Variants in SNX29 observed in about 807,000 individuals in gnomAD.
SNX29 encodes the protein sorting nexin 29.
In SNX29, 78 loss-of-function variants were observed where a neutral mutation model predicts 102.1. That is an observed-to-expected ratio of 0.76 (90% CI 0.64 to 0.92). SNX29 has a LOEUF of 0.92. Ranked by LOEUF, SNX29 falls within the 40% of genes least tolerant of loss-of-function variation. The probability of loss-of-function intolerance (pLI) is 0.00; values close to 1 mark genes in which losing one functional copy is unlikely to be tolerated. For synonymous variants in SNX29, 580 were observed against 414.5 expected (o/e 1.40, Z -4.85); for missense variants, 1,280 against 1,061.7 (o/e 1.21, Z -2.86).
At chr16:12,292,051 C>T (rs1193133442) in intron 15 of SNX29, among the ~76,000 whole-genome samples, 1 of 152,154 alleles carries the variant, frequency 6.6e-6, no homozygotes, top group East Asian at 1.9e-4. Context: ...GTCAGATCTG[C>T]TGGTGGAGGG....
chr16:12,272,891 G>T (rs561366421), intron 14 of SNX29, among the ~76,000 whole-genome samples: 2 of 152,176 alleles, frequency 1.3e-5, no homozygotes, highest in African/African-American at 4.8e-5. Flanking sequence ...GAAGAGGAAG[G>T]GTAACTGTCT....
intron 14 of SNX29, among the ~76,000 whole-genome samples, chr16:12,243,320 G>C (rs1424545456): frequency 6.6e-6 from 1 of 152,242 alleles, no homozygotes; most frequent in African/African-American, 2.4e-5. Context: ...CAGGTTTCCT[G>C]TCTGGCCCTC....
At chr16:12,498,898 G>A (rs2088963986) in intron 19 of SNX29, among the ~76,000 whole-genome samples, 1 of 152,182 alleles carries the variant, frequency 6.6e-6, no homozygotes, top group Admixed American at 6.5e-5. Context: ...TCAGAAGCTA[G>A]CAGTGAACTA....
Position 12,539,993 on chromosome 16 carries a change from T to G in SNX29, c.2318+15152T>G, listed in dbSNP as rs533271462. 4.0e-5 allele frequency among the ~76,000 whole-genome samples: 6 copies of G among 151,144 alleles called. No homozygotes were observed. The East Asian group carries it at 9.7e-4, about 24-fold the overall frequency. ...ACATATTTTCTTCTAGTCTTCAGCT[T>G]CTTTTCAGTGTCTTTTGCATGACAC... On this transcript the variant is annotated intron_variant, in intron 20 of 20. Coordinates refer to ENST00000566228, the MANE Select transcript of SNX29 (RefSeq NM_032167.5).
At chr16:12,114,465 C>T (rs1291680717) in intron 11 of SNX29, among the ~76,000 whole-genome samples, 1 of 152,128 alleles carries the variant, frequency 6.6e-6, no homozygotes, top group African/African-American at 2.4e-5. Context: ...GAAGCCCTGG[C>T]CTCCTCATTC....
At chr16:12,299,719 C>T (rs1422623936) in intron 15 of SNX29, among the ~76,000 whole-genome samples, 1 of 151,576 alleles carries the variant, frequency 6.6e-6, no homozygotes, top group Non-Finnish European at 1.5e-5. Context: ...CCCACCCCAT[C>T]CCTTCTTTTT....
chr16:12,550,782 C>G (rs573341985), intron 20 of SNX29, among the ~76,000 whole-genome samples: 2 of 143,118 alleles, frequency 1.4e-5, no homozygotes, highest in East Asian at 2.5e-4. Context: ...GGCTGAATAG[C>G]TGAGATAAGG....
intron 18 of SNX29, among the ~76,000 whole-genome samples, chr16:12,428,839 G>A (rs2085193878): frequency 6.6e-6 from 1 of 152,068 alleles, no homozygotes; most frequent in South Asian, 2.1e-4. Flanking sequence ...CATAATATAT[G>A]AGTGCAATTA....
intron 19 of SNX29, among the ~76,000 whole-genome samples, chr16:12,523,885 G>GTT (rs201603974): frequency 1.9e-4 from 29 of 151,934 alleles, no homozygotes; most frequent in African/African-American, 6.8e-4. Flanking sequence ...TGCATCCTAG[G>GTT]TTTTTTTTGT....
Position 12,090,661 on chromosome 16 carries a change from A to T in SNX29, c.1402+11746A>T, listed in dbSNP as rs149655212. On this transcript the variant is annotated intron_variant, in intron 11 of 20. Coordinates refer to ENST00000566228, the MANE Select transcript of SNX29 (RefSeq NM_032167.5). ...TGGCCTCTGCCAGTCTTCACATATC[A>T]AATCCATCCGTAAGTTCATTCCTAT... is the stretch of plus-strand genomic sequence containing the variant. 9.4e-3 allele frequency among the ~76,000 whole-genome samples: 1,429 copies of T among 152,288 alleles called. 27 individuals are homozygous for T. The highest frequency in any genetic ancestry group is 0.033 in the African/African-American group (1,351 of 41,542).
In SNX29 at chr16:12,433,546, G is replaced by A. The variant is rs1474217568; in HGVS notation, c.2037+30017G>A. Among the ~76,000 whole-genome samples, 6 of 150,760 alleles carry A rather than the reference G, an allele frequency of 4.0e-5. No individual in the cohort carries two copies. In the Admixed American group the frequency reaches 4.0e-4, roughly 10 times the overall value. ...CTAAAGAGGCTGAGGCAGAAGAATC[G>A]CTTGAACCCGGGAGGTGGAGGTTGC... On this transcript the variant is annotated intron_variant, in intron 18 of 20. Transcript: ENST00000566228.
At chr16:12,482,875 T>A (rs531968983) in intron 19 of SNX29, among the ~76,000 whole-genome samples, 27 of 152,190 alleles carry the variant, frequency 1.8e-4, no homozygotes, top group Non-Finnish European at 2.4e-4. Context: ...TGTTGTATAG[T>A]GTGTGGACCC....
At chr16:12,284,542 G>A (rs2079533189) in intron 15 of SNX29, among the ~76,000 whole-genome samples, 1 of 152,214 alleles carries the variant, frequency 6.6e-6, no homozygotes, top group Non-Finnish European at 1.5e-5. Context: ...CATGACCTGA[G>A]CTAGGCCCAT....
chr16:12,027,563 A>T, intron 4 of SNX29, 119 bp downstream of exon 4: 1 of 1,217,952 alleles, frequency 8.2e-7, no homozygotes, highest in Non-Finnish European at 1.1e-6. Context: ...GGGGTGGTGT[A>T]TGGGCACAGA....
At chr16:12,092,028 C>A (rs2151408058) in intron 11 of SNX29, among the ~76,000 whole-genome samples, 1 of 152,284 alleles carries the variant, frequency 6.6e-6, no homozygotes, top group Non-Finnish European at 1.5e-5. Flanking sequence ...CTGCAAGAGG[C>A]CCTCTTTCCC....
intron 20 of SNX29, among the ~76,000 whole-genome samples, chr16:12,563,836 G>C (rs549058678): frequency 0.011 from 1,656 of 152,306 alleles, 24 homozygotes; most frequent in African/African-American, 0.038. Context: ...CAGGCTGCCT[G>C]TAAATATCCC....
chr16:12,320,904 A>G (rs2080910036), intron 15 of SNX29, among the ~76,000 whole-genome samples: 1 of 152,196 alleles, frequency 6.6e-6, no homozygotes, highest in Non-Finnish European at 1.5e-5. Context: ...GCTTAAAAGG[A>G]TGGCGGCAGT....
At chr16:12,494,270 C>A (rs1024701950) in intron 19 of SNX29, among the ~76,000 whole-genome samples, 1 of 152,196 alleles carries the variant, frequency 6.6e-6, no homozygotes, top group Non-Finnish European at 1.5e-5. Context: ...TGCGTCCTCC[C>A]TGTGCCTCCT....
At chr16:12,012,274 G>C (rs1468487731) in intron 3 of SNX29, among the ~76,000 whole-genome samples, 1 of 152,066 alleles carries the variant, frequency 6.6e-6, no homozygotes, top group South Asian at 2.1e-4. Context: ...TGAAAGTGCA[G>C]GGATGTGGGG....
Sources: gnomAD v4.1 joint callset for allele counts (sites outside exome capture counted in the v4.1 genomes callset) on GRCh38, gnomAD v4.1.1 for gene constraint, MANE v1.5 for transcripts, NCBI Gene and HGNC (gene_info 2026-07-23, HGNC 2026-07-21) for gene names.